Variants in OSBPL10 observed in about 807,000 individuals in gnomAD.
OSBPL10 encodes the protein oxysterol-binding protein-related protein 10.
Under a neutral mutation model 81.7 loss-of-function variants are expected in OSBPL10, and 49 were observed. The ratio of observed to expected loss-of-function variants is 0.60; its 90% CI spans 0.48 to 0.76. The LOEUF (loss-of-function observed/expected upper bound fraction) is 0.76, where lower values mean the gene tolerates loss of function less well. Among genes scored for constraint, OSBPL10 ranks in the 30% least tolerant of loss-of-function variants. The probability of loss-of-function intolerance (pLI) is 0.00; values close to 1 mark genes in which losing one functional copy is unlikely to be tolerated. For missense variants in OSBPL10, 923 were observed against 987.8 expected (o/e 0.93, Z 0.88); for synonymous variants, 419 against 383.6 (o/e 1.09, Z -1.08).
At chr3:32,053,760 G>C (rs1181371271) in intron 1 of OSBPL10, among the ~76,000 whole-genome samples, 1 of 152,130 alleles carries the variant, frequency 6.6e-6, no homozygotes, top group Non-Finnish European at 1.5e-5. Context: ...GATCACGGGA[G>C]GTCAGGAGTT....
chr3:31,934,001 C>G (rs554386027), intron 1 of OSBPL10, among the ~76,000 whole-genome samples: 2 of 149,478 alleles, frequency 1.3e-5, no homozygotes, highest in South Asian at 4.2e-4. Context: ...ACATCTGAGT[C>G]AATTCCCCTA....
intron 1 of OSBPL10, among the ~76,000 whole-genome samples, chr3:31,951,649 T>A (rs1020300844): frequency 1.3e-5 from 2 of 151,112 alleles, no homozygotes; most frequent in Non-Finnish European, 3.0e-5. Flanking sequence ...AAAAGCTATT[T>A]AGATCATTTA....
At chr3:31,801,354 G>C (rs1483095808) in intron 4 of OSBPL10, among the ~76,000 whole-genome samples, 2 of 152,172 alleles carry the variant, frequency 1.3e-5, no homozygotes, top group African/African-American at 2.4e-5. Context: ...GGAATGACTA[G>C]ACGGGAAAAG....
chr3:31,995,801 G>A (rs569978244), intron 2 of OSBPL10, among the ~76,000 whole-genome samples: 9 of 152,234 alleles, frequency 5.9e-5, no homozygotes, highest in South Asian at 2.1e-4. Flanking sequence ...CTGACTTCCC[G>A]TGACACCCCA....
chr3:31,707,920 G>A (rs1366771782), intron 6 of OSBPL10, among the ~76,000 whole-genome samples: 7 of 152,044 alleles, frequency 4.6e-5, no homozygotes, highest in African/African-American at 1.7e-4. Context: ...GTGGAGTTGA[G>A]ACATAGATAG....
At chr3:31,910,214 T>G (rs1696533699) in intron 1 of OSBPL10, among the ~76,000 whole-genome samples, 1 of 151,304 alleles carries the variant, frequency 6.6e-6, no homozygotes, top group South Asian at 2.1e-4. Context: ...CTCTTTACCT[T>G]GTGATCTGCC....
chr3:31,802,995 G>T, intron 4 of OSBPL10, among the ~76,000 whole-genome samples: 2 of 119,508 alleles, frequency 1.7e-5, no homozygotes, highest in African/African-American at 3.2e-5. Flanking sequence ...TTTTTTTACA[G>T]CATCTAAGTC....
rs72854185 is a variant in OSBPL10 at position 31,996,585 on chromosome 3, A to G, written n.298+49906T>C. On this transcript the variant is annotated intron_variant and non_coding_transcript_variant, in intron 2 of 3. Coordinates refer to the OSBPL10 transcript ENST00000479173. ...CCAAAGTTTAAAAAGAGAAAAGACC[A>G]CTTACAGAAAATCTCTAATACATCT... 7.9e-3 allele frequency among the ~76,000 whole-genome samples: 1,199 copies of G among 152,330 alleles called. 19 individuals carry two copies. The highest frequency in any genetic ancestry group is 0.027 in the African/African-American group (1,129 of 41,578).
intron 4 of OSBPL10, among the ~76,000 whole-genome samples, chr3:31,751,177 A>G (rs918900145): frequency 1.1e-4 from 17 of 151,870 alleles, no homozygotes; most frequent in Non-Finnish European, 2.4e-4. Flanking sequence ...AACAACAACA[A>G]CAAAACAACA....
intron 8 of OSBPL10, among the ~76,000 whole-genome samples, chr3:31,677,856 T>C (rs1054794764): frequency 6.9e-6 from 1 of 144,878 alleles, no homozygotes; most frequent in Non-Finnish European, 1.5e-5. Context: ...CCGAGGCGGG[T>C]GGATCATGAG....
At chr3:32,007,305 G>C (rs1359971773) in intron 2 of OSBPL10, among the ~76,000 whole-genome samples, 1 of 152,162 alleles carries the variant, frequency 6.6e-6, no homozygotes, top group Non-Finnish European at 1.5e-5. Context: ...ATGTTCATCA[G>C]TAAAAGAACT....
chr3:31,740,294 G>A (rs981696392), intron 5 of OSBPL10, among the ~76,000 whole-genome samples: 4 of 151,932 alleles, frequency 2.6e-5, no homozygotes, highest in South Asian at 2.1e-4. Context: ...CACCCGCCTC[G>A]GCCTCCCAAA....
chr3:31,765,000 G>C (rs1433611245), intron 4 of OSBPL10, among the ~76,000 whole-genome samples: 2 of 152,002 alleles, frequency 1.3e-5, no homozygotes, highest in East Asian at 3.9e-4. Context: ...CATCATGGTT[G>C]TAATTAACTA....
rs181135638 is a variant in OSBPL10, at chr3:31,742,535, C to A, written c.940+5375G>T. Among the ~76,000 whole-genome samples, 534 of 152,310 alleles carry A rather than the reference C, an allele frequency of 3.5e-3. 5 individuals carry two copies. Among genetic ancestry groups the A allele is most frequent in the African/African-American group, 0.012 (508 of 41,572 alleles). On this transcript the variant is annotated intron_variant, in intron 5 of 11. Transcript: ENST00000396556. ...ACCTGTGTCATCTACTGCATTCTGC[C>A]AAGGTGCCATTGTCACTTGCTCTGG... is the stretch of plus-strand genomic sequence containing the variant.
At chr3:31,861,546 G>T (rs1701057143) in intron 3 of OSBPL10, among the ~76,000 whole-genome samples, 1 of 152,132 alleles carries the variant, frequency 6.6e-6, no homozygotes, top group Admixed American at 6.5e-5. Flanking sequence ...ATGACTGATT[G>T]TCTATAGAAC....
chr3:31,861,815 G>C (rs1395476865), intron 3 of OSBPL10, among the ~76,000 whole-genome samples: 1 of 152,206 alleles, frequency 6.6e-6, no homozygotes, highest in South Asian at 2.1e-4. Context: ...GGGTGACTCA[G>C]TGGTACTTGG....
intron 4 of OSBPL10, among the ~76,000 whole-genome samples, chr3:31,760,370 ATTG>A (rs545723828): frequency 5.3e-4 from 80 of 152,248 alleles, no homozygotes; most frequent in Admixed American, 2.2e-3. Context: ...CCCATGGGGG[ATTG>A]GTTCCAGGAC....
chr3:31,702,597 A>C (rs1695934105), intron 6 of OSBPL10, 89 bp from the exon 7 acceptor site: 3 of 1,543,956 alleles, frequency 1.9e-6, no homozygotes, highest in Non-Finnish European at 2.7e-6. Flanking sequence ...GCAATGACAG[A>C]AGAAACCCAA....
intron 6 of OSBPL10, among the ~76,000 whole-genome samples, chr3:31,712,100 G>C (rs1234028855): frequency 6.6e-6 from 1 of 152,156 alleles, no homozygotes; most frequent in Non-Finnish European, 1.5e-5. Flanking sequence ...CCTTACTGCA[G>C]GGAAGTACAG....
Sources: gnomAD v4.1 joint callset for allele counts (sites outside exome capture counted in the v4.1 genomes callset) on GRCh38, gnomAD v4.1.1 for gene constraint, MANE v1.5 for transcripts, NCBI Gene and HGNC (gene_info 2026-07-23, HGNC 2026-07-21) for gene names.